CDH4: variants seen among roughly 807,000 people sequenced by gnomAD.
CDH4 encodes cadherin-4.
A neutral mutation model predicts 86.0 loss-of-function variants in CDH4; 33 were observed. The observed-to-expected ratio is 0.38, with a 90% CI of 0.29 to 0.51. The LOEUF (loss-of-function observed/expected upper bound fraction) is 0.51, where lower values mean the gene tolerates loss of function less well. Among genes scored for constraint, CDH4 ranks in the 20% least tolerant of loss-of-function variants. The probability of loss-of-function intolerance (pLI) is 0.86; values close to 1 mark genes in which losing one functional copy is unlikely to be tolerated. For synonymous variants in CDH4, 555 were observed against 549.4 expected (o/e 1.01, Z -0.14); for missense variants, 1,114 against 1,307.4 (o/e 0.85, Z 2.28).
At chr20:61,472,631 G>T (rs1259350439) in intron 2 of CDH4, among the ~76,000 whole-genome samples, 2 of 152,092 alleles carry the variant, frequency 1.3e-5, no homozygotes, top group Non-Finnish European at 2.9e-5. Flanking sequence ...AACACTGATT[G>T]TACAAACAAA....
At chr20:61,876,079 G>A (rs945927688) in intron 7 of CDH4, among the ~76,000 whole-genome samples, 3 of 152,240 alleles carry the variant, frequency 2.0e-5, no homozygotes, top group Admixed American at 6.5e-5. Context: ...TCCCACACAC[G>A]TGATGCTCCA....
intron 2 of CDH4, among the ~76,000 whole-genome samples, chr20:61,304,220 A>G (rs1467946176): frequency 2.6e-5 from 4 of 151,940 alleles, no homozygotes; most frequent in Non-Finnish European, 1.5e-5. Flanking sequence ...CTCCGAACGC[A>G]GTTCTCAGCA....
At chr20:61,661,594 C>A (rs2087258523) in intron 2 of CDH4, among the ~76,000 whole-genome samples, 1 of 150,280 alleles carries the variant, frequency 6.7e-6, no homozygotes, top group African/African-American at 2.5e-5. Flanking sequence ...CGGGCATGAT[C>A]TGACATGCGT....
At chr20:61,764,554 G>A (rs2088676258) in intron 3 of CDH4, among the ~76,000 whole-genome samples, 1 of 152,078 alleles carries the variant, frequency 6.6e-6, no homozygotes, top group South Asian at 2.1e-4. Context: ...TGGGTGGAGA[G>A]TGAACACACC....
chr20:61,742,755 G>A (rs1334651841), intron 2 of CDH4, among the ~76,000 whole-genome samples: 3 of 152,204 alleles, frequency 2.0e-5, no homozygotes, highest in Admixed American at 6.5e-5. Flanking sequence ...GCCTCTGGAG[G>A]TGTCTTTTTC....
At chr20:61,639,655 C>G (rs1393596093) in intron 2 of CDH4, among the ~76,000 whole-genome samples, 1 of 152,172 alleles carries the variant, frequency 6.6e-6, no homozygotes, top group Non-Finnish European at 1.5e-5. Flanking sequence ...GGCCCTGACT[C>G]TGCATGGTTT....
intron 2 of CDH4, among the ~76,000 whole-genome samples, chr20:61,338,113 A>G (rs911866005): frequency 1.3e-4 from 20 of 152,294 alleles, no homozygotes; most frequent in African/African-American, 4.6e-4. Context: ...ACCTCTAGCT[A>G]TCCTCAAAAA....
intron 2 of CDH4, among the ~76,000 whole-genome samples, chr20:61,536,124 C>A (rs1445284115): frequency 6.6e-6 from 1 of 152,232 alleles, no homozygotes; most frequent in East Asian, 1.9e-4. Flanking sequence ...AGGCACAGAA[C>A]CCGGCCAGGC....
At chr20:61,584,821 C>T (rs995388622) in intron 2 of CDH4, among the ~76,000 whole-genome samples, 8 of 151,618 alleles carry the variant, frequency 5.3e-5, no homozygotes, top group African/African-American at 1.2e-4. Context: ...GCGAGGCTAA[C>T]GCACGGGGCG....
chr20:61,565,203 TCGCGG>T (rs2086266535), intron 2 of CDH4, among the ~76,000 whole-genome samples: 1 of 32,138 alleles, frequency 3.1e-5, no homozygotes, highest in African/African-American at 1.7e-4. Context: ...TTGGTGGTGG[TCGCGG>T]TGCTCTCGGT....
At chr20:61,876,087 C>T (rs4925202) in intron 7 of CDH4, among the ~76,000 whole-genome samples, 82,159 of 152,156 alleles carry the variant, frequency 0.54, 24,510 homozygotes, top group East Asian at 0.83. Flanking sequence ...ACGTGATGCT[C>T]CAGAGGTACA....
intron 2 of CDH4, among the ~76,000 whole-genome samples, chr20:61,701,263 T>C (rs2087773031): frequency 6.6e-6 from 1 of 152,184 alleles, no homozygotes; most frequent in Non-Finnish European, 1.5e-5. Flanking sequence ...GCAACTAATT[T>C]CATGTGCCAT....
chr20:61,454,936 A>G (rs1029954897), intron 2 of CDH4, among the ~76,000 whole-genome samples: 2 of 152,186 alleles, frequency 1.3e-5, no homozygotes, highest in African/African-American at 4.8e-5. Flanking sequence ...ATTGAGAACC[A>G]TTTAAGTGTT....
chr20:61,703,180 G>C lies in CDH4; in HGVS notation c.170-40383G>C, dbSNP rs1306491892. 6.6e-6 allele frequency among the ~76,000 whole-genome samples: 1 copy of C among 152,184 alleles called. No individual in the cohort carries two copies. The highest frequency in any genetic ancestry group is 1.5e-5 in the Non-Finnish European group (1 of 68,046). ...TGATCAGAAGTGGGGGCTCTTGGACGAGCTCAGAACACACAGGCCTTGGGT... is the reference window on the plus strand; with the variant it reads ...TGATCAGAAGTGGGGGCTCTTGGACCAGCTCAGAACACACAGGCCTTGGGT... On this transcript the variant is annotated intron_variant, in intron 2 of 15. Transcript: ENST00000614565. The surrounding 1 kb of genome is among the most constrained non-coding windows in gnomAD (Gnocchi z 4.3).
intron 2 of CDH4, among the ~76,000 whole-genome samples, chr20:61,455,722 T>C (rs2085403327): frequency 6.6e-6 from 1 of 152,118 alleles, no homozygotes; most frequent in Non-Finnish European, 1.5e-5. Context: ...AATGTACCTC[T>C]CACATTTCCA....
intron 2 of CDH4, among the ~76,000 whole-genome samples, chr20:61,565,288 G>GGTGCTC (rs2086277728): frequency 1.1e-5 from 1 of 94,832 alleles, no homozygotes; most frequent in African/African-American, 4.3e-5. Context: ...GTGATGGGGT[G>GGTGCTC]ATGGTGGTGG....
intron 2 of CDH4, among the ~76,000 whole-genome samples, chr20:61,714,046 A>ATTT (rs1220531944): frequency 6.0e-5 from 9 of 149,208 alleles, no homozygotes; most frequent in African/African-American, 2.3e-4. Context: ...ATTTTATTTT[A>ATTT]TTTTATTTTA....
chr20:61,779,408 G>A (rs1382468109), intron 4 of CDH4, among the ~76,000 whole-genome samples: 1 of 152,210 alleles, frequency 6.6e-6, no homozygotes, highest in Non-Finnish European at 1.5e-5. Flanking sequence ...TCGCTCCACA[G>A]TCGCGGAGCC....
At chr20:61,794,000 G>A (rs1322625759) in intron 4 of CDH4, among the ~76,000 whole-genome samples, 2 of 149,488 alleles carry the variant, frequency 1.3e-5, no homozygotes, top group Non-Finnish European at 3.0e-5. Context: ...AAAATTAGCT[G>A]GGCGTGGTGG....
Sources: gnomAD v4.1 joint callset for allele counts (sites outside exome capture counted in the v4.1 genomes callset) on GRCh38, gnomAD v4.1.1 for gene constraint, Gnocchi (gnomAD v3.1) non-coding constraint, MANE v1.5 for transcripts, NCBI Gene and HGNC (gene_info 2026-07-23, HGNC 2026-07-21) for gene names.